Variants in PAN3 observed in about 807,000 individuals in gnomAD.
The protein encoded by PAN3 is poly(A) specific ribonuclease subunit PAN3, also known as PAN2-PAN3 deadenylation complex subunit PAN3.
In PAN3, 19 loss-of-function variants were observed where a neutral mutation model predicts 96.2. The ratio of observed to expected loss-of-function variants is 0.20; its 90% CI spans 0.14 to 0.29. The LOEUF (loss-of-function observed/expected upper bound fraction) is 0.29, where lower values mean the gene tolerates loss of function less well. Ranked by LOEUF, PAN3 falls within the 10% of genes least tolerant of loss-of-function variation. PAN3 has a pLI of 1.00. For missense variants in PAN3, 882 were observed against 1,108.1 expected, an observed-to-expected ratio of 0.80 and a Z score of 2.90; for synonymous variants, 433 against 406.6, an observed-to-expected ratio of 1.06 and a Z score of -0.78.
intron 14 of PAN3, chr13:28,272,433 A>C (rs1886700001): frequency 6.2e-6 from 1 of 161,466 alleles, no homozygotes; most frequent in Non-Finnish European, 1.3e-5. Context: ...TGTCTGGCTA[A>C]AATTTTTTTT....
At chr13:28,177,147 A>T (rs1372899905) in intron 3 of PAN3, among the ~76,000 whole-genome samples, 1 of 152,168 alleles carries the variant, frequency 6.6e-6, no homozygotes, top group East Asian at 1.9e-4. Flanking sequence ...GAAGATAAAT[A>T]TTTAAGTATA....
chr13:28,253,415 C>T (rs1566230669), intron 6 of PAN3, among the ~76,000 whole-genome samples: 1 of 151,886 alleles, frequency 6.6e-6, no homozygotes, highest in Non-Finnish European at 1.5e-5. Flanking sequence ...TTACTCAGTT[C>T]TTTAACACAC....
chr13:28,168,999 G>C (rs1173206539), intron 1 of PAN3, among the ~76,000 whole-genome samples: 2 of 151,272 alleles, frequency 1.3e-5, no homozygotes, highest in African/African-American at 4.9e-5. Flanking sequence ...CTGGGCGACA[G>C]AGCGAGACTC....
chr13:28,280,558 T>A lies in PAN3; in HGVS notation c.2319+17T>A, dbSNP rs769158667. On this transcript the variant is annotated intron_variant, in intron 16 of 18. Coordinates refer to ENST00000380958, the MANE Select transcript of PAN3 (RefSeq NM_175854.8). ...CTTGCAAAGGTAAAGAGTGTAAATT[T>A]TTTTTTTTTTTTTTTTTTTTTGAGA... 1.4e-4 allele frequency: 167 copies of A among 1,232,182 alleles called. 1 individual carries two copies. The South Asian group carries it at 2.5e-3, about 18-fold the overall frequency. 76.3% of individuals were successfully genotyped at this position (1,232,182 alleles called of 1,614,324 possible).
At chr13:28,289,724 T>C (rs999507525) in intron 18 of PAN3, among the ~76,000 whole-genome samples, 4 of 151,790 alleles carry the variant, frequency 2.6e-5, no homozygotes, top group Admixed American at 2.6e-4. Context: ...TACTAAAAAA[T>C]TAAAAAAGTT....
chr13:28,239,137 AC>A (rs1339308407), intron 6 of PAN3, among the ~76,000 whole-genome samples: 27 of 46,314 alleles, frequency 5.8e-4, no homozygotes, highest in South Asian at 1.2e-3. Flanking sequence ...TTTTAATCCC[AC>A]CCCCCCCACC....
chr13:28,216,043 A>C, intron 5 of PAN3: 1 of 523,418 alleles, frequency 1.9e-6, no homozygotes, highest in East Asian at 2.9e-5. Context: ...GAAGGAAAGG[A>C]GAATGTTTTG....
chr13:28,138,234 A>G (rs1299919551), upstream of PAN3: 1 of 152,332 alleles, frequency 6.6e-6, no homozygotes. Flanking sequence ...AAAATGGAAT[A>G]AACAACTCGG....
chr13:28,275,187 C>A (rs991741554), intron 14 of PAN3, among the ~76,000 whole-genome samples: 2 of 151,962 alleles, frequency 1.3e-5, no homozygotes, highest in Non-Finnish European at 1.5e-5. Context: ...TTATTAACTT[C>A]TTTTGTTTAA....
chr13:28,177,529 G>T (rs1034194420), intron 3 of PAN3, among the ~76,000 whole-genome samples: 15 of 151,726 alleles, frequency 9.9e-5, no homozygotes, highest in Non-Finnish European at 1.5e-5. Context: ...ATGGTCTCAA[G>T]ATTATAAACC....
At chr13:28,187,499 C>G (rs944311800) in intron 4 of PAN3, among the ~76,000 whole-genome samples, 13 of 152,114 alleles carry the variant, frequency 8.5e-5, no homozygotes, top group African/African-American at 3.1e-4. Flanking sequence ...ATAGCAAGGT[C>G]TTCCAACTGA....
intron 5 of PAN3, among the ~76,000 whole-genome samples, chr13:28,209,981 G>C (rs574522488): frequency 6.6e-6 from 1 of 152,120 alleles, no homozygotes; most frequent in Admixed American, 6.6e-5. Context: ...TGGGGGTCTT[G>C]CTTTGTTGCC....
At chr13:28,239,659 A>G in intron 6 of PAN3, 1 of 1,289,636 alleles carries the variant, frequency 7.8e-7, no homozygotes, top group Non-Finnish European at 1.0e-6. Flanking sequence ...CGACTAAAGG[A>G]TGGATAGTTT....
intron 12 of PAN3, among the ~76,000 whole-genome samples, chr13:28,268,353 C>T (rs1031163618): frequency 6.6e-6 from 1 of 151,786 alleles, no homozygotes; most frequent in Non-Finnish European, 1.5e-5. Context: ...TAATTATTTC[C>T]CTAAACAAAT....
intron 3 of PAN3, among the ~76,000 whole-genome samples, chr13:28,177,522 G>A (rs1234727707): frequency 6.6e-6 from 1 of 151,996 alleles, no homozygotes; most frequent in South Asian, 2.1e-4. Context: ...CCAAGATATG[G>A]TCTCAAGATT....
intron 1 of PAN3, among the ~76,000 whole-genome samples, chr13:28,144,839 G>GT (rs1555267706): frequency 6.7e-6 from 1 of 149,330 alleles, no homozygotes; most frequent in African/African-American, 2.5e-5. Flanking sequence ...TCCTGCCTCA[G>GT]CTCCCAAGTA....
chr13:28,252,252 C>G (rs565742956), intron 6 of PAN3, among the ~76,000 whole-genome samples: 97 of 123,874 alleles, frequency 7.8e-4, no homozygotes, highest in African/African-American at 2.9e-3. Context: ...TGTGTTTTAT[C>G]TCACAGTTCT....
intron 5 of PAN3, among the ~76,000 whole-genome samples, chr13:28,202,138 A>C (rs1878786477): frequency 1.3e-5 from 2 of 152,154 alleles, no homozygotes. Flanking sequence ...TCATTAATTA[A>C]AATAGAATAT....
intron 1 of PAN3, among the ~76,000 whole-genome samples, chr13:28,139,514 TTGTG>T (rs10577740): frequency 0.011 from 1,055 of 93,074 alleles, 13 homozygotes; most frequent in Admixed American, 0.024. Flanking sequence ...AGGGGTGTGT[TTGTG>T]TGTGTGTGTG....
Sources: gnomAD v4.1 joint callset for allele counts (sites outside exome capture counted in the v4.1 genomes callset) on GRCh38, gnomAD v4.1.1 for gene constraint, MANE v1.5 for transcripts, NCBI Gene and HGNC (gene_info 2026-07-23, HGNC 2026-07-21) for gene names.